The following ROBO2 variants were observed in gnomAD, a reference collection of about 807,000 sequenced individuals.
ROBO2 encodes the protein roundabout homolog 2.
In ROBO2, 53 loss-of-function variants were observed where a neutral mutation model predicts 160.8. That is an observed-to-expected ratio of 0.33 (90% CI 0.26 to 0.41). ROBO2 has a LOEUF of 0.41. Among genes scored for constraint, ROBO2 ranks in the 10% least tolerant of loss-of-function variants. The pLI, the probability that ROBO2 is intolerant of heterozygous loss-of-function variation, is 1.00. For missense variants in ROBO2, 1,577 were observed against 1,722.4 expected, an observed-to-expected ratio of 0.92 and a Z score of 1.49; for synonymous variants, 664 against 611.7, an observed-to-expected ratio of 1.09 and a Z score of -1.26.
chr3:77,540,034 A>G (rs1392374436), intron 6 of ROBO2, among the ~76,000 whole-genome samples: 1 of 152,236 alleles, frequency 6.6e-6, no homozygotes, highest in African/African-American at 2.4e-5. Flanking sequence ...CAGCTGATGG[A>G]AGCCAGAATG....
At chr3:76,690,979 A>G (rs1180195168) in intron 2 of ROBO2, among the ~76,000 whole-genome samples, 5 of 152,192 alleles carry the variant, frequency 3.3e-5, no homozygotes, top group African/African-American at 1.2e-4. Flanking sequence ...TAGCTTCTCA[A>G]GAGGCTAAGT....
chr3:77,325,266 T>G (rs1476000515), intron 2 of ROBO2, among the ~76,000 whole-genome samples: 2 of 152,146 alleles, frequency 1.3e-5, no homozygotes, highest in East Asian at 3.9e-4. Flanking sequence ...GAGGGAGAAA[T>G]CTCAGTGACT....
At chr3:76,651,935 C>G (rs1008771238) in intron 2 of ROBO2, among the ~76,000 whole-genome samples, 3 of 152,130 alleles carry the variant, frequency 2.0e-5, no homozygotes, top group African/African-American at 7.2e-5. Context: ...CCCTTCCTTG[C>G]TAGGTCCAGC....
intron 2 of ROBO2, among the ~76,000 whole-genome samples, chr3:76,063,212 T>C (rs924498469): frequency 4.6e-5 from 7 of 152,186 alleles, no homozygotes; most frequent in African/African-American, 1.2e-4. Flanking sequence ...TTGTTAATCA[T>C]GAGCATAATG....
chr3:77,079,829 A>G (rs2068445388), intron 1 of ROBO2, among the ~76,000 whole-genome samples: 2 of 152,196 alleles, frequency 1.3e-5, no homozygotes, highest in South Asian at 4.1e-4. Context: ...TATATCACGT[A>G]GGCTCAAGTG....
At chr3:76,628,803 AT>A (rs965685122) in intron 2 of ROBO2, among the ~76,000 whole-genome samples, 1 of 152,152 alleles carries the variant, frequency 6.6e-6, no homozygotes, top group African/African-American at 2.4e-5. Context: ...CAGTTTTCCA[AT>A]TTGTAGTCTC....
chr3:76,062,562 T>G (rs1318591756), intron 2 of ROBO2, among the ~76,000 whole-genome samples: 1 of 152,156 alleles, frequency 6.6e-6, no homozygotes, highest in African/African-American at 2.4e-5. Context: ...TTCTTCTTCT[T>G]ACTTGGGATT....
At chr3:76,201,791 T>C (rs1217651702) in intron 2 of ROBO2, among the ~76,000 whole-genome samples, 1 of 149,172 alleles carries the variant, frequency 6.7e-6, no homozygotes, top group Non-Finnish European at 1.5e-5. Context: ...GATGTGTGGG[T>C]AGAGAATTAA....
intron 2 of ROBO2, among the ~76,000 whole-genome samples, chr3:75,997,477 G>A (rs2065760900): frequency 6.8e-6 from 1 of 146,112 alleles, no homozygotes; most frequent in Non-Finnish European, 1.5e-5. Context: ...GGAATTAAAG[G>A]CATTTGTTTT....
intron 2 of ROBO2, among the ~76,000 whole-genome samples, chr3:76,241,520 C>G (rs558021762): frequency 6.6e-6 from 1 of 152,166 alleles, no homozygotes; most frequent in East Asian, 1.9e-4. Flanking sequence ...AGCTTCGTGA[C>G]TGAAACTCTT....
intron 2 of ROBO2, among the ~76,000 whole-genome samples, chr3:76,357,360 G>A (rs998174741): frequency 4.0e-5 from 6 of 151,866 alleles, no homozygotes; most frequent in African/African-American, 1.4e-4. Context: ...ATACTACTCA[G>A]CAATACAAAA....
At chr3:77,541,484 C>A (rs1383524857) in intron 6 of ROBO2, among the ~76,000 whole-genome samples, 1 of 152,216 alleles carries the variant, frequency 6.6e-6, no homozygotes. Flanking sequence ...ATCTAATTTA[C>A]TGTGCATTGT....
chr3:77,064,592 C>T (rs1191445558), intron 1 of ROBO2, among the ~76,000 whole-genome samples: 2 of 151,694 alleles, frequency 1.3e-5, no homozygotes, highest in South Asian at 2.1e-4. Flanking sequence ...AACTCCTGAC[C>T]TCAAATGATC....
At chr3:77,071,800 C>T (rs560111469) in intron 1 of ROBO2, among the ~76,000 whole-genome samples, 1 of 152,164 alleles carries the variant, frequency 6.6e-6, no homozygotes, top group Non-Finnish European at 1.5e-5. Flanking sequence ...CTTACTTGCA[C>T]GAGGCTGAGC....
At chr3:77,418,897 A>G (rs2077479644) in intron 2 of ROBO2, among the ~76,000 whole-genome samples, 1 of 152,092 alleles carries the variant, frequency 6.6e-6, no homozygotes, top group African/African-American at 2.4e-5. Context: ...CATATGGGCA[A>G]AAGGGATGGT....
chr3:76,820,259 G>A (rs746640862), intron 2 of ROBO2, among the ~76,000 whole-genome samples: 6 of 151,918 alleles, frequency 3.9e-5, no homozygotes, highest in South Asian at 2.1e-4. Context: ...AGATGAACAC[G>A]CATGTTTCTT....
chr3:76,273,650 G>A (rs1039225801), intron 2 of ROBO2, among the ~76,000 whole-genome samples: 4 of 151,980 alleles, frequency 2.6e-5, no homozygotes, highest in East Asian at 3.9e-4. Flanking sequence ...ACTCACTCAC[G>A]ATCATGAGAA....
chr3:76,757,405 A>G (rs1437319910), intron 2 of ROBO2, among the ~76,000 whole-genome samples: 9 of 151,848 alleles, frequency 5.9e-5, no homozygotes, highest in Non-Finnish European at 1.3e-4. Context: ...AAGATCTTTC[A>G]TTGTGCTATG....
rs200573894 is a variant in ROBO2 at position 76,414,019 on chromosome 3, CT to C, written c.109+476418del. Among the ~76,000 whole-genome samples the C allele has an allele frequency of 8.0e-4, 122 of 152,260 alleles. No individual in the cohort carries two copies. In the East Asian group the frequency reaches 0.019, roughly 24 times the overall value. On this transcript the variant is annotated intron_variant, in intron 2 of 26. Transcript: ENST00000487694. ...GCAGGAGGCAAAAGGCACTTCTTACCTGGTGGCAGCAAGAGAAAATGAGGAA... is the reference window on the plus strand; with the variant it reads ...GCAGGAGGCAAAAGGCACTTCTTACCGGTGGCAGCAAGAGAAAATGAGGAA...
Sources: gnomAD v4.1 joint callset for allele counts (sites outside exome capture counted in the v4.1 genomes callset) on GRCh38, gnomAD v4.1.1 for gene constraint, MANE v1.5 for transcripts, NCBI Gene and HGNC (gene_info 2026-07-23, HGNC 2026-07-21) for gene names.